AP1S3: variants seen among roughly 807,000 people sequenced by gnomAD.
AP1S3 encodes the protein AP-1 complex subunit sigma-3.
A neutral mutation model predicts 20.9 loss-of-function variants in AP1S3; 10 were observed. The ratio of observed to expected loss-of-function variants is 0.48; its 90% CI spans 0.29 to 0.81. The LOEUF is 0.81. AP1S3 is among the 30% of genes least tolerant of loss of function. The probability of loss-of-function intolerance (pLI) is 0.08; values close to 1 mark genes in which losing one functional copy is unlikely to be tolerated. For missense variants in AP1S3, 154 were observed against 183.8 expected (o/e 0.84, Z 0.94); for synonymous variants, 41 against 61.5 (o/e 0.67, Z 1.56).
chr2:223,806,474 C>T (rs1281587025), intron 1 of AP1S3, among the ~76,000 whole-genome samples: 1 of 151,826 alleles, frequency 6.6e-6, no homozygotes, highest in Non-Finnish European at 1.5e-5. Flanking sequence ...TTAGTAGAGA[C>T]AGGGTTTCAC....
intron 1 of AP1S3, 77 bp from the exon 2 acceptor site, chr2:223,777,946 T>G (rs1690829631): frequency 1.5e-6 from 2 of 1,292,388 alleles, no homozygotes; most frequent in Admixed American, 4.6e-5. Context: ...TGAAATTCAA[T>G]GATGGATTTA....
intron 1 of AP1S3, among the ~76,000 whole-genome samples, chr2:223,829,546 G>A (rs1053737987): frequency 2.6e-5 from 4 of 152,060 alleles, no homozygotes. Flanking sequence ...TGACCAACAT[G>A]GAGAAACCTT....
chr2:223,802,842 G>T (rs1574713549), intron 1 of AP1S3, among the ~76,000 whole-genome samples: 1 of 152,086 alleles, frequency 6.6e-6, no homozygotes, highest in East Asian at 1.9e-4. Flanking sequence ...TAAATAATCT[G>T]GGAATATTTT....
intron 3 of AP1S3, among the ~76,000 whole-genome samples, chr2:223,771,581 T>A (rs894933684): frequency 1.3e-5 from 2 of 152,238 alleles, no homozygotes; most frequent in Admixed American, 1.3e-4. Context: ...ATCTTCAATG[T>A]CCTAGCCTTG....
intron 1 of AP1S3, among the ~76,000 whole-genome samples, chr2:223,805,689 C>A (rs575798516): frequency 6.6e-6 from 1 of 152,248 alleles, no homozygotes; most frequent in Non-Finnish European, 1.5e-5. Flanking sequence ...TACGTCTTAA[C>A]GTGTTTTGAA....
chr2:223,812,162 G>C (rs1691746348), intron 1 of AP1S3, among the ~76,000 whole-genome samples: 2 of 152,070 alleles, frequency 1.3e-5, no homozygotes. Context: ...CACATTTATT[G>C]ACCCAGATCT....
intron 1 of AP1S3, among the ~76,000 whole-genome samples, chr2:223,837,157 G>A (rs1474542711): frequency 2.0e-5 from 3 of 151,570 alleles, no homozygotes; most frequent in Non-Finnish European, 2.9e-5. Context: ...CATCCCCAGC[G>A]CCCAGCACCG....
chr2:223,761,907 T>A lies in AP1S3; in HGVS notation c.430-3157A>T, dbSNP rs114031638. 4.2e-3 allele frequency among the ~76,000 whole-genome samples: 636 copies of A among 152,174 alleles called. 1 individual carries two copies. Among genetic ancestry groups the A allele is most frequent in the African/African-American group, 0.015 (613 of 41,526 alleles). On this transcript the variant is annotated intron_variant, in intron 4 of 4. Transcript: ENST00000396654. ...AGGCTGTTAGTTGGGGTAAAATATCTACTGTTTGTCGCTCCTACCTATTGC... is the reference window on the plus strand; with the variant it reads ...AGGCTGTTAGTTGGGGTAAAATATCAACTGTTTGTCGCTCCTACCTATTGC...
chr2:223,794,753 C>T (rs139857588), intron 1 of AP1S3, among the ~76,000 whole-genome samples: 2 of 152,162 alleles, frequency 1.3e-5, no homozygotes, highest in African/African-American at 2.4e-5. Context: ...TTCCTCTAAG[C>T]GCATCTGAAA....
intron 3 of AP1S3, 58 bp downstream of exon 3, chr2:223,775,842 TG>T: frequency 1.5e-6 from 2 of 1,299,366 alleles, no homozygotes; most frequent in Admixed American, 3.6e-5. Context: ...GAGACAGAAC[TG>T]AAGTAAGAGC....
chr2:223,806,431 T>C (rs915736336), intron 1 of AP1S3, among the ~76,000 whole-genome samples: 1 of 151,562 alleles, frequency 6.6e-6, no homozygotes, highest in African/African-American at 2.4e-5. Flanking sequence ...CTACAGGCGC[T>C]CGCCACCACG....
At chr2:223,766,148 C>T (rs970418147) in intron 3 of AP1S3, among the ~76,000 whole-genome samples, 8 of 152,174 alleles carry the variant, frequency 5.3e-5, no homozygotes, top group Admixed American at 2.0e-4. Context: ...CCTTCTCTTT[C>T]CATACCATAC....
chr2:223,773,331 G>T (rs1343944188), intron 3 of AP1S3: 2 of 1,304,014 alleles, frequency 1.5e-6, no homozygotes, highest in African/African-American at 3.0e-5. Context: ...AACTTCTTCA[G>T]GCTCTTGCAA....
Position 223,758,600 on chromosome 2 carries a change from C to G in AP1S3, c.*115G>C, listed in dbSNP as rs1690279280. On this transcript the variant is annotated 3_prime_UTR_variant, in exon 5 of 5. Coordinates refer to ENST00000396654, the MANE Select transcript of AP1S3 (RefSeq NM_001039569.2). ...TAACTTTGTTAGTTAACAAAGAATC[C>G]CTTTAAATTATTTTTGGCATGGTGC... The G allele has an allele frequency of 7.3e-7, 1 of 1,370,636 alleles. No homozygotes were observed. Among genetic ancestry groups the G allele is most frequent in the South Asian group, 2.1e-5 (1 of 47,370 alleles). The allele number at this position is 1,370,636 out of a possible 1,614,324, so 84.9% of individuals were successfully genotyped here.
intron 1 of AP1S3, among the ~76,000 whole-genome samples, chr2:223,783,443 C>A (rs1273292104): frequency 3.9e-5 from 6 of 152,210 alleles, no homozygotes; most frequent in African/African-American, 9.6e-5. Flanking sequence ...CTAGAGCAAT[C>A]CTTGGTCTAA....
intron 1 of AP1S3, among the ~76,000 whole-genome samples, chr2:223,817,621 A>AAAAAAAAAAG (rs1553525097): frequency 1.3e-5 from 2 of 148,520 alleles, no homozygotes; most frequent in Admixed American, 6.7e-5. Context: ...AAAAAAAAAA[A>AAAAAAAAAAG]AAAGAAAAGA....
chr2:223,814,424 C>G (rs1025829086), intron 1 of AP1S3, among the ~76,000 whole-genome samples: 1 of 152,104 alleles, frequency 6.6e-6, no homozygotes, highest in African/African-American at 2.4e-5. Flanking sequence ...TTAAATAAAG[C>G]GGCAAAAATG....
chr2:223,786,592 C>CA (rs112139260), intron 1 of AP1S3, among the ~76,000 whole-genome samples: 14,367 of 147,546 alleles, frequency 0.097, 944 homozygotes, highest in East Asian at 0.25. Context: ...TGTGTCTCTA[C>CA]AAAAAAAAAG....
chr2:223,755,829 A>G lies in AP1S3; in HGVS notation c.*2886T>C. On this transcript the variant is annotated 3_prime_UTR_variant, in exon 5 of 5. Transcript: ENST00000396654. The stretch of plus-strand genomic sequence containing the variant: ...ACAGGCGTGAGCCACCTTGCCCAGA[A>G]GAGATATATTTACTTTCTATGTGTG... The G allele has an allele frequency of 1.0e-6, 1 of 979,654 alleles. No individual in the cohort carries two copies. Among genetic ancestry groups the G allele is most frequent in the Non-Finnish European group, 1.2e-6 (1 of 824,672 alleles). 60.7% of individuals were successfully genotyped at this position (979,654 alleles called of 1,614,324 possible).
Sources: allele counts gnomAD v4.1 joint callset (sites outside exome capture counted in the v4.1 genomes callset), GRCh38; gene constraint gnomAD v4.1.1; transcripts MANE v1.5; gene names NCBI Gene and HGNC (gene_info 2026-07-23, HGNC 2026-07-21).